The following VDAC1 variants were observed in gnomAD, a reference collection of about 807,000 sequenced individuals.
The protein encoded by VDAC1 is voltage dependent anion channel 1.
VDAC1 carries 10 observed loss-of-function variants against 34.7 expected under a neutral mutation model. The observed-to-expected ratio is 0.29, with a 90% CI of 0.18 to 0.49. The LOEUF (loss-of-function observed/expected upper bound fraction) is 0.49, where lower values mean the gene tolerates loss of function less well. Among genes scored for constraint, VDAC1 ranks in the 20% least tolerant of loss-of-function variants. VDAC1 has a pLI of 0.99. For missense variants in VDAC1, 230 were observed against 347.9 expected, an observed-to-expected ratio of 0.66 and a Z score of 2.69; for synonymous variants, 130 against 136.0, an observed-to-expected ratio of 0.96 and a Z score of 0.30.
the VDAC1 span, among the ~76,000 whole-genome samples, chr5:134,105,769 G>C: frequency 2.6e-5 from 4 of 152,252 alleles, no homozygotes; most frequent in Admixed American, 6.5e-5. Context: ...GGGTGGCCCT[G>C]CTCCCTTGGC....
At chr5:134,076,830 GGTTATTTTAAACAT>G in the VDAC1 span, among the ~76,000 whole-genome samples, 28 of 152,142 alleles carry the variant, frequency 1.8e-4, no homozygotes, top group Admixed American at 1.6e-3. Flanking sequence ...GAGCTGATCA[GGTTATTTTAAACAT>G]GTACAGTTTG....
At chr5:134,074,335 A>C in the VDAC1 span, among the ~76,000 whole-genome samples, 1 of 151,306 alleles carries the variant, frequency 6.6e-6, no homozygotes, top group Non-Finnish European at 1.5e-5. Context: ...TAAATAAATA[A>C]ATAAATAAAT....
chr5:134,075,745 G>A, the VDAC1 span, among the ~76,000 whole-genome samples: 2 of 151,804 alleles, frequency 1.3e-5, no homozygotes, highest in African/African-American at 2.4e-5. Flanking sequence ...CACCAGGCCC[G>A]GCTAATTTTT....
At chr5:133,995,530 A>G (rs578210954) in intron 1 of VDAC1, among the ~76,000 whole-genome samples, 134 of 151,840 alleles carry the variant, frequency 8.8e-4, no homozygotes, top group African/African-American at 2.9e-3. Context: ...AGTCAAGTCC[A>G]CTCCTGGGCC....
chr5:134,098,169 CTTATTATTATTA>C, the VDAC1 span, among the ~76,000 whole-genome samples: 3,659 of 146,842 alleles, frequency 0.025, 147 homozygotes, highest in East Asian at 0.075. Flanking sequence ...CCATGCCCTG[CTTATTATTATTA>C]TTATTATTAT....
chr5:134,077,429 T>C, the VDAC1 span, among the ~76,000 whole-genome samples: 2 of 152,194 alleles, frequency 1.3e-5, no homozygotes, highest in South Asian at 2.1e-4. Flanking sequence ...ACTGAGCACC[T>C]ACCATGTGCC....
chr5:134,015,649 C>CT, the VDAC1 span, among the ~76,000 whole-genome samples: 10 of 150,374 alleles, frequency 6.7e-5, no homozygotes, highest in Non-Finnish European at 1.3e-4. Context: ...TTTTGAATCA[C>CT]TTTTTTATTT....
At chr5:134,040,467 C>T in the VDAC1 span, among the ~76,000 whole-genome samples, 475 of 151,906 alleles carry the variant, frequency 3.1e-3, 7 homozygotes, top group South Asian at 6.2e-3. Flanking sequence ...CCCAGCTACT[C>T]GGGAGGCTGA....
At chr5:134,042,086 G>C in the VDAC1 span, among the ~76,000 whole-genome samples, 2 of 152,214 alleles carry the variant, frequency 1.3e-5, no homozygotes, top group African/African-American at 4.8e-5. Flanking sequence ...TGAACTTGGA[G>C]GCCAGAACCC....
At chr5:134,092,952 A>G in the VDAC1 span, among the ~76,000 whole-genome samples, 1 of 152,346 alleles carries the variant, frequency 6.6e-6, no homozygotes, top group African/African-American at 2.4e-5. Flanking sequence ...CACAGCTTTG[A>G]CCAAGGTTTG....
chr5:133,997,729 A>AG (rs1753380042), intron 1 of VDAC1, among the ~76,000 whole-genome samples: 1 of 148,422 alleles, frequency 6.7e-6, no homozygotes, highest in East Asian at 2.0e-4. Context: ...AAAAAAAAAA[A>AG]GAATAAGGTG....
chr5:134,066,936 G>A, the VDAC1 span, among the ~76,000 whole-genome samples: 1 of 152,270 alleles, frequency 6.6e-6, no homozygotes, highest in East Asian at 1.9e-4. Flanking sequence ...CCATTCCCCT[G>A]CTAGAAAGGG....
At chr5:133,975,765 C>T in intron 7 of VDAC1, 106 bp downstream of exon 7, 6 of 1,529,584 alleles carry the variant, frequency 3.9e-6, no homozygotes, top group Non-Finnish European at 3.5e-6. Context: ...AGCAGCATCT[C>T]TCACTTTGAG....
the VDAC1 span, among the ~76,000 whole-genome samples, chr5:134,051,994 G>A: frequency 1.3e-5 from 2 of 152,010 alleles, no homozygotes; most frequent in African/African-American, 4.8e-5. Context: ...CACTGCATAA[G>A]GCCGAATATT....
chr5:134,042,727 C>T, the VDAC1 span, among the ~76,000 whole-genome samples: 1 of 152,198 alleles, frequency 6.6e-6, no homozygotes, highest in East Asian at 1.9e-4. Context: ...CCTCAAGTGA[C>T]CCGCCTGCTT....
At chr5:133,980,688 A>T in intron 6 of VDAC1, 41 bp downstream of exon 6, 1 of 612,644 alleles carries the variant, frequency 1.6e-6, no homozygotes, top group East Asian at 3.2e-5. Context: ...CACATGCTCC[A>T]ACCCCACCCC....
At chr5:133,974,359 G>A (rs970296402) in intron 7 of VDAC1, among the ~76,000 whole-genome samples, 3 of 152,148 alleles carry the variant, frequency 2.0e-5, no homozygotes, top group Non-Finnish European at 2.9e-5. Flanking sequence ...GTAGTAGTTC[G>A]AGGGCCTGTG....
chr5:134,070,497 G>A, the VDAC1 span, among the ~76,000 whole-genome samples: 7 of 152,034 alleles, frequency 4.6e-5, no homozygotes, highest in African/African-American at 7.3e-5. Flanking sequence ...TGATTATGGC[G>A]TAGAGTATTA....
chr5:134,097,994 C>T, the VDAC1 span, among the ~76,000 whole-genome samples: 2 of 151,958 alleles, frequency 1.3e-5, no homozygotes, highest in Non-Finnish European at 2.9e-5. Context: ...CGCAACTTCC[C>T]GAGTAGCTGG....
Sources: allele counts gnomAD v4.1 joint callset (sites outside exome capture counted in the v4.1 genomes callset), GRCh38; gene constraint gnomAD v4.1.1; transcripts MANE v1.5; gene names NCBI Gene and HGNC (gene_info 2026-07-23, HGNC 2026-07-21).